COL6A5: variants seen among roughly 807,000 people sequenced by gnomAD.
COL6A5 encodes collagen alpha-5(VI) chain.
In COL6A5, 48 loss-of-function variants were observed where a neutral mutation model predicts 65.6. That is an observed-to-expected ratio of 0.73 (90% confidence interval 0.58 to 0.93). The LOEUF is 0.93. Among genes scored for constraint, COL6A5 ranks in the 40% least tolerant of loss-of-function variants. COL6A5 has a pLI of 0.00. For missense variants in COL6A5, 914 were observed against 928.3 expected, an observed-to-expected ratio of 0.98 and a Z score of 0.20; for synonymous variants, 291 against 322.8, an observed-to-expected ratio of 0.90 and a Z score of 1.05.
chr3:130,414,549 G>A (rs1937283000), intron 22 of COL6A5, among the ~76,000 whole-genome samples: 1 of 152,110 alleles, frequency 6.6e-6, no homozygotes, highest in Admixed American at 6.5e-5. Flanking sequence ...AGGGGTATCA[G>A]TATTTCTGAA....
intron 17 of COL6A5, among the ~76,000 whole-genome samples, chr3:130,407,309 G>A (rs1937025043): frequency 6.6e-6 from 1 of 152,192 alleles, no homozygotes; most frequent in African/African-American, 2.4e-5. Flanking sequence ...TCAAGAGATT[G>A]GGAGGGCACT....
rs1710322647 is a variant in COL6A5, at chr3:130,484,316, T to A, written c.*275T>A. ...AACTGGGGAAACCGACCTATAAGAG[T>A]TAACTTTTCTTTGAAAGCTCTGCAC... On this transcript the variant is annotated 3_prime_UTR_variant, in exon 8 of 8. Transcript: ENST00000512836. The A allele has an allele frequency of 1.6e-5, 8 of 494,054 alleles. No homozygotes were observed. The South Asian group carries it at 3.6e-4, about 22-fold the overall frequency. The allele number at this position is 494,054 out of a possible 1,614,324, so 30.6% of individuals were successfully genotyped here.
At chr3:130,470,788 C>A (rs1282591257) in intron 6 of COL6A5, 83 bp from the exon 39 acceptor site, 1 of 968,536 alleles carries the variant, frequency 1.0e-6, no homozygotes, top group Non-Finnish European at 1.6e-6. Context: ...CACTGCCAAC[C>A]ACGTGAAAAC....
exon 30 of COL6A5, chr3:130,426,238 C>A: frequency 6.4e-7 from 1 of 1,551,264 alleles, no homozygotes; most frequent in South Asian, 1.2e-5. Context: ...GGCAGGGCAG[C>A]CTGTATATTC....
At chr3:130,468,194 A>T (rs1429603401) in intron 5 of COL6A5, among the ~76,000 whole-genome samples, 3 of 152,068 alleles carry the variant, frequency 2.0e-5, no homozygotes, top group Non-Finnish European at 4.4e-5. Flanking sequence ...CAAACTGCTT[A>T]CCTTAAAATG....
At chr3:130,465,865 A>G (rs909604120) in intron 5 of COL6A5, among the ~76,000 whole-genome samples, 3 of 152,104 alleles carry the variant, frequency 2.0e-5, no homozygotes, top group Non-Finnish European at 4.4e-5. Context: ...AGAAGATTCC[A>G]ATAGAATTTG....
intron 5 of COL6A5, among the ~76,000 whole-genome samples, chr3:130,456,783 G>A (rs1381533891): frequency 6.6e-6 from 1 of 152,044 alleles, no homozygotes; most frequent in African/African-American, 2.4e-5. Flanking sequence ...AAAGGGGCCA[G>A]TTTTGTACTA....
intron 1 of COL6A5, among the ~76,000 whole-genome samples, chr3:130,371,038 G>A (rs1454407315): frequency 6.6e-6 from 1 of 152,136 alleles, no homozygotes; most frequent in Non-Finnish European, 1.5e-5. Flanking sequence ...CCTAAAGAAG[G>A]ATGTATACAC....
At chr3:130,454,729 T>C (rs1395663752) in intron 4 of COL6A5, among the ~76,000 whole-genome samples, 1 of 152,218 alleles carries the variant, frequency 6.6e-6, no homozygotes, top group Non-Finnish European at 1.5e-5. Context: ...ATAATCTTAC[T>C]TTCTCACAGC....
intron 4 of COL6A5, among the ~76,000 whole-genome samples, chr3:130,448,411 T>C (rs1164768273): frequency 6.6e-6 from 1 of 152,190 alleles, no homozygotes; most frequent in East Asian, 1.9e-4. Context: ...TAGGTCGGAA[T>C]GCCTAAATTA....
At chr3:130,394,848 A>G in intron 7 of COL6A5, 42 bp from the exon 8 acceptor site, 2 of 1,466,364 alleles carry the variant, frequency 1.4e-6, no homozygotes, top group African/African-American at 2.9e-5. Flanking sequence ...AAAATTTCGA[A>G]TGATTCATGA....
At chr3:130,461,652 C>A (rs1400690339) in intron 5 of COL6A5, among the ~76,000 whole-genome samples, 2 of 151,842 alleles carry the variant, frequency 1.3e-5, no homozygotes, top group African/African-American at 4.8e-5. Flanking sequence ...GGAGATATAT[C>A]CAATGGCCAA....
intron 6 of COL6A5, 72 bp from the exon 7 acceptor site, chr3:130,391,107 G>A (rs1936381905): frequency 8.4e-6 from 9 of 1,077,250 alleles, no homozygotes; most frequent in African/African-American, 3.2e-5. Context: ...ATGCCAGTTC[G>A]CTTCCCTTCT....
Position 130,440,745 on chromosome 3 carries a change from TG to T in COL6A5, c.1162del (p.Ile389TyrfsTer11), listed in dbSNP as rs746231508. The T allele has an allele frequency of 6.2e-7, 1 of 1,613,326 alleles. No homozygotes were observed. The highest frequency in any genetic ancestry group is 1.1e-5 in the South Asian group (1 of 91,064). Reference sequence around the variant, plus strand: ...GCCAGCTACCCACTTGATCAACACCTGATACAGCTTGGGAGAATACATAAAC... The same window carrying T: ...GCCAGCTACCCACTTGATCAACACCTATACAGCTTGGGAGAATACATAAAC... On this transcript the variant is annotated frameshift_variant, in exon 3 of 8. Coordinates refer to ENST00000512836, the Ensembl canonical transcript of COL6A5. LOFTEE classifies it high-confidence loss of function.
exon 9 of COL6A5, chr3:130,397,598 T>C: frequency 6.5e-7 from 1 of 1,550,306 alleles, no homozygotes; most frequent in African/African-American, 1.4e-5. Context: ...TTTATGGACA[T>C]AGTGGTTGGG....
chr3:130,381,939 A>G (rs1471989445), intron 4 of COL6A5, among the ~76,000 whole-genome samples: 5 of 152,130 alleles, frequency 3.3e-5, no homozygotes, highest in Admixed American at 1.3e-4. Context: ...ACAAGGCCTC[A>G]CTATGTAACT....
chr3:130,395,220 C>T (rs1936552590), exon 8 of COL6A5: 34 of 1,551,448 alleles, frequency 2.2e-5, no homozygotes, highest in Non-Finnish European at 3.0e-5. Flanking sequence ...GCTGGTGTCC[C>T]CCAAACTTTG....
chr3:130,443,358 T>C (rs557915751), intron 3 of COL6A5, 118 bp from the exon 36 acceptor site: 470 of 671,184 alleles, frequency 7.0e-4, no homozygotes, highest in Non-Finnish European at 9.8e-4. Flanking sequence ...CAGCCAAATT[T>C]TGCTGAAATA....
intron 2 of COL6A5, among the ~76,000 whole-genome samples, chr3:130,439,915 G>A (rs1326046944): frequency 6.6e-6 from 1 of 152,170 alleles, no homozygotes; most frequent in Non-Finnish European, 1.5e-5. Flanking sequence ...GCTTGGACAT[G>A]ACTTGTACAC....
Sources: gnomAD v4.1 joint callset for allele counts (sites outside exome capture counted in the v4.1 genomes callset) on GRCh38, gnomAD v4.1.1 for gene constraint, MANE v1.5 for transcripts, NCBI Gene and HGNC (gene_info 2026-07-23, HGNC 2026-07-21) for gene names.